Variants in REDIC1 observed in about 807,000 individuals in gnomAD.
The protein encoded by REDIC1 is HEI10 Interacting Protein 1.
the REDIC1 span, among the ~76,000 whole-genome samples, chr12:39,885,770 T>C: frequency 6.6e-6 from 1 of 152,182 alleles, no homozygotes; most frequent in Non-Finnish European, 1.5e-5. Flanking sequence ...AAACTTTAGT[T>C]TGAATTAGAA....
the REDIC1 span, among the ~76,000 whole-genome samples, chr12:39,788,827 A>G: frequency 6.6e-6 from 1 of 152,180 alleles, no homozygotes; most frequent in Non-Finnish European, 1.5e-5. Flanking sequence ...TTGCCCTGCA[A>G]TCTAAATTTC....
chr12:39,748,051 T>G, the REDIC1 span, among the ~76,000 whole-genome samples: 9 of 152,256 alleles, frequency 5.9e-5, no homozygotes, highest in African/African-American at 2.2e-4. Context: ...AACATCATAA[T>G]GACAGGATCA....
At chr12:39,690,281 T>A in the REDIC1 span, among the ~76,000 whole-genome samples, 1 of 152,170 alleles carries the variant, frequency 6.6e-6, no homozygotes, top group African/African-American at 2.4e-5. Flanking sequence ...GAGCCTTTGA[T>A]GGGAGTGGGA....
chr12:39,728,347 C>G, the REDIC1 span, among the ~76,000 whole-genome samples: 1 of 152,038 alleles, frequency 6.6e-6, no homozygotes, highest in Non-Finnish European at 1.5e-5. Context: ...GAGTTTTTAG[C>G]ATGAAGGGGT....
the REDIC1 span, among the ~76,000 whole-genome samples, chr12:39,700,578 G>C: frequency 6.6e-6 from 1 of 151,808 alleles, no homozygotes; most frequent in African/African-American, 2.4e-5. Flanking sequence ...TCAGGAAACA[G>C]AGATAATGCC....
the REDIC1 span, among the ~76,000 whole-genome samples, chr12:39,677,739 ACTCT>A: frequency 2.0e-5 from 3 of 152,136 alleles, no homozygotes; most frequent in Admixed American, 2.0e-4. Flanking sequence ...TATATCAAGT[ACTCT>A]CTCAGAACAC....
chr12:39,734,703 T>G, the REDIC1 span, among the ~76,000 whole-genome samples: 1 of 152,232 alleles, frequency 6.6e-6, no homozygotes. Context: ...ACATGTGAGT[T>G]TGAACTCTAT....
chr12:39,860,826 A>G, the REDIC1 span, among the ~76,000 whole-genome samples: 1 of 152,210 alleles, frequency 6.6e-6, no homozygotes, highest in South Asian at 2.1e-4. Context: ...TCTCATAGAC[A>G]ACTGTAAAAA....
chr12:39,772,378 AAGGGCT>A, the REDIC1 span, among the ~76,000 whole-genome samples: 1 of 152,194 alleles, frequency 6.6e-6, no homozygotes, highest in African/African-American at 2.4e-5. Context: ...AGCAATTTAT[AAGGGCT>A]TGCCAAAAGA....
chr12:39,627,336 A>T, the REDIC1 span, among the ~76,000 whole-genome samples: 1 of 152,212 alleles, frequency 6.6e-6, no homozygotes, highest in South Asian at 2.1e-4. Flanking sequence ...AAATTTACTT[A>T]CAGGCTTCAA....
chr12:39,830,506 T>C, the REDIC1 span: 1 of 1,106,194 alleles, frequency 9.0e-7, no homozygotes, highest in South Asian at 3.2e-5. Context: ...TCCCCATCAA[T>C]CTGGAGCAAA....
the REDIC1 span, among the ~76,000 whole-genome samples, chr12:39,704,297 T>C: frequency 6.6e-6 from 1 of 152,094 alleles, no homozygotes; most frequent in Non-Finnish European, 1.5e-5. Flanking sequence ...AAGACATTTA[T>C]GCAGCCAAAA....
chr12:39,760,127 A>G, the REDIC1 span: 1 of 1,613,062 alleles, frequency 6.2e-7, no homozygotes, highest in Non-Finnish European at 8.5e-7. Flanking sequence ...GAAGTGCCAC[A>G]TGTACATAGC....
chr12:39,822,638 G>A, the REDIC1 span, among the ~76,000 whole-genome samples: 2 of 152,064 alleles, frequency 1.3e-5, no homozygotes, highest in Non-Finnish European at 2.9e-5. Flanking sequence ...CCATGCACAT[G>A]GAATTCAAGC....
the REDIC1 span, chr12:39,864,904 AT>A: frequency 6.3e-7 from 1 of 1,599,294 alleles, no homozygotes; most frequent in Non-Finnish European, 8.5e-7. Flanking sequence ...AAAGTTTTAT[AT>A]TAGAGAAGAG....
the REDIC1 span, among the ~76,000 whole-genome samples, chr12:39,698,490 A>C: frequency 6.6e-6 from 1 of 152,222 alleles, no homozygotes; most frequent in Non-Finnish European, 1.5e-5. Context: ...CTATAGATCA[A>C]ATGGACCTAA....
At chr12:39,797,765 C>T in the REDIC1 span, among the ~76,000 whole-genome samples, 1 of 152,012 alleles carries the variant, frequency 6.6e-6, no homozygotes. Context: ...CACACACACA[C>T]ACACACACAC....
At chr12:39,692,537 CT>C in the REDIC1 span, among the ~76,000 whole-genome samples, 121,169 of 150,380 alleles carry the variant, frequency 0.81, 48,935 homozygotes, top group Non-Finnish European at 0.84. Flanking sequence ...CTGCAACTTG[CT>C]TTTTTTTTTC....
the REDIC1 span, among the ~76,000 whole-genome samples, chr12:39,640,043 A>T: frequency 6.6e-6 from 1 of 150,688 alleles, no homozygotes; most frequent in African/African-American, 2.4e-5. Flanking sequence ...TACAAAGCAC[A>T]TCCAGAACTA....
Sources: gnomAD v4.1 joint callset for allele counts (sites outside exome capture counted in the v4.1 genomes callset) on GRCh38, gnomAD v4.1.1 for gene constraint, MANE v1.5 for transcripts, NCBI Gene and HGNC (gene_info 2026-07-23, HGNC 2026-07-21) for gene names.